MBD2: variants seen among roughly 807,000 people sequenced by gnomAD.
MBD2 encodes methyl-CpG-binding domain protein 2.
Under a neutral mutation model 39.3 loss-of-function variants are expected in MBD2, and 9 were observed. The ratio of observed to expected loss-of-function variants is 0.23; its 90% CI spans 0.14 to 0.40. MBD2 has a LOEUF of 0.40. Among genes scored for constraint, MBD2 ranks in the 10% least tolerant of loss-of-function variants. The probability of loss-of-function intolerance (pLI) is 1.00; values close to 1 mark genes in which losing one functional copy is unlikely to be tolerated. For synonymous variants in MBD2, 233 were observed against 211.1 expected (o/e 1.10, Z -0.90); for missense variants, 458 against 532.6 (o/e 0.86, Z 1.38).
At chr18:54,156,921 C>T (rs2086055921) in intron 6 of MBD2, among the ~76,000 whole-genome samples, 1 of 151,994 alleles carries the variant, frequency 6.6e-6, no homozygotes, top group African/African-American at 2.4e-5. Context: ...CCTTGATTAT[C>T]TGAAATGATT....
intron 1 of MBD2, among the ~76,000 whole-genome samples, chr18:54,207,017 C>A (rs529337167): frequency 6.6e-6 from 1 of 152,182 alleles, no homozygotes; most frequent in African/African-American, 2.4e-5. Context: ...GCTAGAAGGC[C>A]ACATCACAAT....
Position 54,224,471 on chromosome 18 carries a change from G to A in MBD2, c.89C>T (p.Ser30Phe). The change falls in exon 1 of 7, where the codon TCC becomes TTC. Residue 30 changes from serine (S) to phenylalanine (F), a missense_variant. Coordinates refer to ENST00000256429, the MANE Select transcript of MBD2 (RefSeq NM_003927.5). ...GCCCTGGCCCCCCTGCTCTATGGCG[G>A]AGTCGCCGCCAGCGCCGCTGCCGCC... ...AAGGSGAGGD[S>F]AIEQGGQGSA... 1 of 1,232,746 alleles carries A rather than the reference G, an allele frequency of 8.1e-7. No homozygotes were observed. The highest frequency in any genetic ancestry group is 1.0e-6 in the Non-Finnish European group (1 of 989,838). 76.4% of individuals were successfully genotyped at this position (1,232,746 alleles called of 1,614,324 possible). A position where few individuals can be genotyped will look rare whatever the true frequency, so the allele number is the denominator to read the frequency against.
At position 54,152,071 on chromosome 18, in the gene MBD2, A is replaced by C. The variant is rs1161639264; in HGVS notation, c.*3253T>G. On this transcript the variant is annotated 3_prime_UTR_variant, in exon 7 of 7. Transcript: ENST00000256429. ...AGTCTAATAGTAGAAACAGACATGC[A>C]AAAAAAAATTACAATACAATACAAT... The C allele has an allele frequency of 6.6e-6, 1 of 151,374 alleles. No individual in the cohort carries two copies. Among genetic ancestry groups the C allele is most frequent in the African/African-American group, 2.4e-5 (1 of 41,122 alleles). 9.4% of individuals were successfully genotyped at this position (151,374 alleles called of 1,614,324 possible).
intron 6 of MBD2, among the ~76,000 whole-genome samples, chr18:54,156,013 G>T (rs1452255540): frequency 6.6e-6 from 1 of 152,034 alleles, no homozygotes; most frequent in East Asian, 1.9e-4. Flanking sequence ...CTAATAAGCA[G>T]GATTAGAAAG....
chr18:54,223,937 G>T, intron 1 of MBD2, 81 bp downstream of exon 1: 3 of 1,226,684 alleles, frequency 2.4e-6, no homozygotes, highest in Non-Finnish European at 2.2e-6. Flanking sequence ...GGGCCCCAGC[G>T]CTCATCCTCT....
intron 1 of MBD2, among the ~76,000 whole-genome samples, chr18:54,214,859 C>A (rs1257304045): frequency 6.6e-6 from 1 of 151,990 alleles, no homozygotes; most frequent in African/African-American, 2.4e-5. Flanking sequence ...CCTGCCTCAG[C>A]CTCCCTAGTA....
In MBD2 at chr18:54,161,628, T is replaced by A. The variant is rs113263775; in HGVS notation, c.1110-1725A>T. Among the ~76,000 whole-genome samples, 644 of 152,356 alleles carry A rather than the reference T, an allele frequency of 4.2e-3. 6 individuals are homozygous for A. The highest frequency in any genetic ancestry group is 0.013 in the South Asian group (65 of 4,830). On this transcript the variant is annotated intron_variant, in intron 5 of 6. Transcript: ENST00000256429. Reference sequence around the variant, plus strand: ...TTGGATGGAGAATTTTATCTTAAACTCTAACATTTGCCATTGATTTTCTTC... The same window carrying A: ...TTGGATGGAGAATTTTATCTTAAACACTAACATTTGCCATTGATTTTCTTC...
intron 3 of MBD2, among the ~76,000 whole-genome samples, chr18:54,180,746 T>G (rs78405237): frequency 0.034 from 5,125 of 152,172 alleles, 122 homozygotes; most frequent in Non-Finnish European, 0.046. Context: ...CACTATTCGA[T>G]TTTTTCATCT....
At chr18:54,171,461 A>G (rs976493781) in intron 3 of MBD2, among the ~76,000 whole-genome samples, 17 of 152,130 alleles carry the variant, frequency 1.1e-4, no homozygotes, top group African/African-American at 4.1e-4. Context: ...ATTATTCTTC[A>G]CTATGCTGAA....
intron 3 of MBD2, among the ~76,000 whole-genome samples, chr18:54,175,599 C>A (rs556166276): frequency 9.2e-5 from 14 of 152,306 alleles, no homozygotes; most frequent in African/African-American, 3.4e-4. Context: ...AAAACATGTC[C>A]TTATTCACAC....
At chr18:54,199,296 G>A (rs559298247) in intron 2 of MBD2, among the ~76,000 whole-genome samples, 1 of 152,146 alleles carries the variant, frequency 6.6e-6, no homozygotes, top group Admixed American at 6.5e-5. Flanking sequence ...GCTAGACAAA[G>A]TCTTTATCCT....
intron 3 of MBD2, among the ~76,000 whole-genome samples, chr18:54,186,975 C>T (rs946004023): frequency 2.6e-5 from 4 of 152,186 alleles, no homozygotes; most frequent in Non-Finnish European, 4.4e-5. Flanking sequence ...AACTATTCAA[C>T]ATACCAAAGA....
chr18:54,164,405 A>C, intron 5 of MBD2, 118 bp downstream of exon 5: 1 of 864,202 alleles, frequency 1.2e-6, no homozygotes, highest in Middle Eastern at 3.3e-4. Flanking sequence ...AAAAAAGAAA[A>C]GTATAACTTT....
At chr18:54,210,428 C>T (rs762620520) in intron 1 of MBD2, among the ~76,000 whole-genome samples, 1 of 152,168 alleles carries the variant, frequency 6.6e-6, no homozygotes, top group Non-Finnish European at 1.5e-5. Flanking sequence ...CTATAATATG[C>T]CCTGCCAGTC....
At chr18:54,166,271 T>C (rs904792909) in intron 3 of MBD2, 105 bp from the exon 4 acceptor site, 8 of 698,452 alleles carry the variant, frequency 1.1e-5, no homozygotes, top group African/African-American at 3.6e-5. Context: ...TAGTTTCCTA[T>C]AATTTCCTCA....
Position 54,224,097 on chromosome 18 carries a change from G to T in MBD2, c.463C>A (p.Leu155Ile). ...TCCTCCTTCTTCCATCCGGGGGGGA[G>T]GGCCGGGCAATCCATCCTCTTCCCG... ...ESGKRMDCPA[L>I]PPGWKKEEVI... The change falls in exon 1 of 7, where the codon CTC becomes ATC. Residue 155 changes from leucine (L) to isoleucine (I), a missense_variant. Leu to Ile is a conservative substitution (Grantham distance 5). Around this residue, in one of 2 missense-constraint regions of MBD2, gnomAD observed 269 missense variants for 236.0 expected, o/e 1.14. Transcript: ENST00000256429. The T allele has an allele frequency of 6.3e-7, 1 of 1,592,708 alleles. No individual in the cohort carries two copies.
chr18:54,200,498 CTT>C (rs1395208714), intron 2 of MBD2, among the ~76,000 whole-genome samples: 3 of 152,190 alleles, frequency 2.0e-5, no homozygotes, highest in South Asian at 2.1e-4. Context: ...TCACTGTACT[CTT>C]CTTTATCCAA....
chr18:54,223,040 G>A (rs1279705236), intron 1 of MBD2, among the ~76,000 whole-genome samples: 5 of 152,184 alleles, frequency 3.3e-5, no homozygotes, highest in African/African-American at 1.2e-4. Flanking sequence ...GCTTCAGTCA[G>A]TCCACAAACA....
At chr18:54,214,754 T>G (rs1382369539) in intron 1 of MBD2, among the ~76,000 whole-genome samples, 1 of 148,566 alleles carries the variant, frequency 6.7e-6, no homozygotes, top group African/African-American at 2.5e-5. Flanking sequence ...TTTTTTTTTT[T>G]TTTTAGACGG....
Sources: gnomAD v4.1 joint callset for allele counts (sites outside exome capture counted in the v4.1 genomes callset) on GRCh38, gnomAD v4.1.1 for gene constraint, gnomAD v4.1.1 regional missense constraint, MANE v1.5 for transcripts, NCBI Gene and HGNC (gene_info 2026-07-23, HGNC 2026-07-21) for gene names.